PCDHA1: variants seen among roughly 807,000 people sequenced by gnomAD.
PCDHA1 encodes the protein protocadherin alpha 1, also known as protocadherin alpha-1.
A neutral mutation model predicts 61.3 loss-of-function variants in PCDHA1; 42 were observed. That is an observed-to-expected ratio of 0.69 (90% confidence interval 0.54 to 0.89). The LOEUF is 0.89. Among genes scored for constraint, PCDHA1 ranks in the 40% least tolerant of loss-of-function variants. The pLI is 0.00. For missense variants in PCDHA1, 1,256 were observed against 1,235.3 expected, an observed-to-expected ratio of 1.02 and a Z score of -0.25; for synonymous variants, 610 against 553.8, an observed-to-expected ratio of 1.10 and a Z score of -1.43.
At chr5:140,809,626 T>G (rs781990363) in intron 1 of PCDHA1, 36 of 1,508,500 alleles carry the variant, frequency 2.4e-5, no homozygotes, top group Non-Finnish European at 1.5e-5. Flanking sequence ...CTCTATCAAC[T>G]TCTTCGTAAA....
intron 1 of PCDHA1, chr5:140,871,083 C>A: frequency 1.1e-5 from 18 of 1,613,186 alleles, no homozygotes; most frequent in Non-Finnish European, 1.4e-5. Flanking sequence ...CGCTGACGGC[C>A]ACGGCCACCG....
intron 1 of PCDHA1, among the ~76,000 whole-genome samples, chr5:140,832,290 A>G (rs1433191230): frequency 6.6e-6 from 1 of 152,162 alleles, no homozygotes; most frequent in African/African-American, 2.4e-5. Context: ...TGAATGGTGT[A>G]TTTGCCCACA....
chr5:140,974,043 TATG>T (rs1554235772), intron 1 of PCDHA1, among the ~76,000 whole-genome samples: 1 of 152,238 alleles, frequency 6.6e-6, no homozygotes, highest in Non-Finnish European at 1.5e-5. Flanking sequence ...AGCTTATTAA[TATG>T]ATAATATTTG....
intron 1 of PCDHA1, chr5:140,877,889 GT>G: frequency 6.9e-7 from 1 of 1,458,120 alleles, no homozygotes; most frequent in Non-Finnish European, 9.0e-7. Context: ...AAGAACTTCC[GT>G]TTAGGTTATA....
At chr5:140,803,485 G>T (rs1562194526) in intron 1 of PCDHA1, 2 of 1,614,220 alleles carry the variant, frequency 1.2e-6, no homozygotes, top group East Asian at 2.2e-5. Flanking sequence ...TCTGGAGAGG[G>T]GTTGCCCAAG....
chr5:140,843,555 TG>T, intron 1 of PCDHA1: 1 of 1,595,708 alleles, frequency 6.3e-7, no homozygotes, highest in African/African-American at 1.3e-5. Context: ...TCCAGTGCGG[TG>T]GGGAGCTGGT....
chr5:140,843,302 G>A, intron 1 of PCDHA1: 1 of 1,595,928 alleles, frequency 6.3e-7, no homozygotes, highest in Non-Finnish European at 8.6e-7. Flanking sequence ...TGCGCTGACC[G>A]CCACGGCCAC....
chr5:140,805,557 G>A (rs1238555636), intron 1 of PCDHA1: 5 of 976,838 alleles, frequency 5.1e-6, no homozygotes, highest in African/African-American at 1.8e-5. Context: ...GATATAGGAG[G>A]CAAGGAAAGT....
At chr5:140,966,993 G>A in intron 1 of PCDHA1, 4 of 1,604,524 alleles carry the variant, frequency 2.5e-6, no homozygotes, top group Non-Finnish European at 3.4e-6. Context: ...GGGCCGGGTT[G>A]CTTGCGCATC....
intron 1 of PCDHA1, among the ~76,000 whole-genome samples, chr5:140,892,286 C>A (rs2063458721): frequency 1.3e-5 from 2 of 152,136 alleles, no homozygotes; most frequent in South Asian, 4.1e-4. Flanking sequence ...TTAAACACTT[C>A]TTCCTGGAAA....
In PCDHA1 at chr5:141,008,942, A is replaced by G. The variant is rs544111760; in HGVS notation, c.2543-685A>G. Among the ~76,000 whole-genome samples the G allele has an allele frequency of 1.5e-4, 23 of 152,326 alleles. No homozygotes were observed. In the South Asian group the frequency reaches 4.8e-3, roughly 32 times the overall value. On this transcript the variant is annotated intron_variant, in intron 3 of 3. Transcript: ENST00000504120. ...ATTCAGCTAATTTTTCTTGTTTTGG[A>G]CAAAATAGACATCCTAATACATTTA...
intron 1 of PCDHA1, chr5:140,870,013 A>C: frequency 6.2e-7 from 1 of 1,613,716 alleles, no homozygotes; most frequent in Non-Finnish European, 8.5e-7. Context: ...AGTGAGGGTC[A>C]ATGGAACTTT....
chr5:140,870,355 T>C, intron 1 of PCDHA1: 7 of 1,614,110 alleles, frequency 4.3e-6, no homozygotes, highest in Non-Finnish European at 5.9e-6. Context: ...CGAGAACGTG[T>C]GGGCCTATGA....
intron 1 of PCDHA1, chr5:140,857,651 A>G (rs781834004): frequency 6.3e-7 from 1 of 1,596,558 alleles, no homozygotes; most frequent in South Asian, 1.1e-5. Context: ...GTTCCAGGTG[A>G]GCGCGCGCGA....
chr5:140,807,014 C>A, intron 1 of PCDHA1: 2 of 789,080 alleles, frequency 2.5e-6, no homozygotes, highest in Non-Finnish European at 4.0e-6. Flanking sequence ...CCACAAAATA[C>A]ATGAGAGAAG....
At position 140,982,704 on chromosome 5, in the gene PCDHA1, C is replaced by T. The variant is rs1393323812; in HGVS notation, c.2542+141C>T. ...CTTTTTTCCATACATACATGATTTCCTTACATATATGATTATTTTGATTTT... is the reference window on the plus strand; with the variant it reads ...CTTTTTTCCATACATACATGATTTCTTTACATATATGATTATTTTGATTTT... On this transcript the variant is annotated intron_variant, in intron 3 of 3. Coordinates refer to ENST00000504120, the MANE Select transcript of PCDHA1 (RefSeq NM_018900.4). 8 of 1,377,410 alleles carry T rather than the reference C, an allele frequency of 5.8e-6. No homozygotes were observed. In the African/African-American group the frequency reaches 1.2e-4, roughly 20 times the overall value. The allele number at this position is 1,377,410 out of a possible 1,614,324, so 85.3% of individuals were successfully genotyped here. A position where few individuals can be genotyped will look rare whatever the true frequency, so the allele number is the denominator to read the frequency against.
At chr5:140,831,687 G>A (rs893697384) in intron 1 of PCDHA1, among the ~76,000 whole-genome samples, 1 of 152,012 alleles carries the variant, frequency 6.6e-6, no homozygotes, top group African/African-American at 2.4e-5. Flanking sequence ...TGAATGAAAA[G>A]CAGCAAAAAG....
intron 1 of PCDHA1, chr5:140,870,060 A>G (rs2051623081): frequency 6.2e-7 from 1 of 1,613,776 alleles, no homozygotes; most frequent in African/African-American, 1.3e-5. Flanking sequence ...AAATTGAAGT[A>G]CAGGCTACAG....
Position 140,848,199 on chromosome 5 carries a change from AATC to A in PCDHA1, c.2394+59518_2394+59520del, listed in dbSNP as rs2150407324. The stretch of plus-strand genomic sequence containing the variant: ...GAGAAACGGGATCTTCTGTTTCAAC[AATC>A]ATTACTTAAGAAAAAATTAAGAAAA... On this transcript the variant is annotated intron_variant, in intron 1 of 3. Coordinates refer to ENST00000504120, the MANE Select transcript of PCDHA1 (RefSeq NM_018900.4). The A allele has an allele frequency of 2.2e-5, 7 of 318,910 alleles. No individual in the cohort carries two copies. The South Asian group carries it at 2.2e-4, about 10-fold the overall frequency. The allele number at this position is 318,910 out of a possible 1,614,324, so 19.8% of individuals were successfully genotyped here.
Sources: gnomAD v4.1 joint callset for allele counts (sites outside exome capture counted in the v4.1 genomes callset) on GRCh38, gnomAD v4.1.1 for gene constraint, MANE v1.5 for transcripts, NCBI Gene and HGNC (gene_info 2026-07-23, HGNC 2026-07-21) for gene names.